Variants in CDH23 observed in about 807,000 individuals in gnomAD.
The protein encoded by CDH23 is cadherin-23.
In CDH23, 189 loss-of-function variants were observed where a neutral mutation model predicts 317.1. The observed-to-expected ratio is 0.60, with a 90% CI of 0.53 to 0.67. The LOEUF (loss-of-function observed/expected upper bound fraction) is 0.67. Ranked by LOEUF, CDH23 falls within the 30% of genes least tolerant of loss-of-function variation. The pLI, the probability that CDH23 is intolerant of heterozygous loss-of-function variation, is 0.00. For synonymous variants in CDH23, 1,839 were observed against 1,876.8 expected (o/e 0.98, Z 0.52); for missense variants, 4,401 against 4,592.4 (o/e 0.96, Z 1.20).
At position 71,676,912 on chromosome 10, in the gene CDH23, G is replaced by C. The variant is rs78562988; in HGVS notation, c.1515-544G>C. 2.7e-3 allele frequency among the ~76,000 whole-genome samples: 417 copies of C among 152,308 alleles called. 3 individuals carry two copies. The highest frequency in any genetic ancestry group is 9.5e-3 in the African/African-American group (395 of 41,570). On this transcript the variant is annotated intron_variant, in intron 15 of 69. Coordinates refer to ENST00000224721, the MANE Select transcript of CDH23 (RefSeq NM_022124.6). The stretch of plus-strand genomic sequence containing the variant: ...GATGTCAACTGACAGCTCAGATGAG[G>C]CTCCTGAGGGGACATTTAGATGAGG...
Position 71,813,019 on chromosome 10 carries a change from GC to G in CDH23, c.9633+130del, listed in dbSNP as rs1841994892. The G allele has an allele frequency of 9.7e-6, 14 of 1,437,122 alleles. 1 individual carries two copies. Among genetic ancestry groups the G allele is most frequent in the Non-Finnish European group, 1.3e-5 (14 of 1,060,382 alleles). 89.0% of individuals were successfully genotyped at this position (1,437,122 alleles called of 1,614,324 possible). A position where few individuals can be genotyped will look rare whatever the true frequency, so the allele number is the denominator to read the frequency against. The stretch of plus-strand genomic sequence containing the variant: ...CCTCCACTGGGGCGAGAACACCAGG[GC>G]TGATGGGGGGCTACTCCAGCCTGCG... On this transcript the variant is annotated intron_variant, in intron 68 of 69. Coordinates refer to ENST00000224721, the MANE Select transcript of CDH23 (RefSeq NM_022124.6).
chr10:71,398,331 A>G (rs907445705), intron 1 of CDH23, among the ~76,000 whole-genome samples: 57 of 152,244 alleles, frequency 3.7e-4, no homozygotes, highest in African/African-American at 1.3e-3. Flanking sequence ...TTGCCCTCTC[A>G]GACCAGAGCT....
Position 71,730,386 on chromosome 10 carries a change from C to G in CDH23, c.3580-83C>G, listed in dbSNP as rs956101576. 5.2e-6 allele frequency: 8 copies of G among 1,530,940 alleles called. No individual in the cohort carries two copies. In the Admixed American group the frequency reaches 1.2e-4, roughly 22 times the overall value. The allele number at this position is 1,530,940 out of a possible 1,614,324, so 94.8% of individuals were successfully genotyped here. On this transcript the variant is annotated intron_variant, in intron 30 of 69. Transcript: ENST00000224721. Reference sequence around the variant, plus strand: ...CAGGCCCAGGAAAGCAGTGACCACACAAGGCGGCCACAGTGGGCCAAGCCC... The same window carrying G: ...CAGGCCCAGGAAAGCAGTGACCACAGAAGGCGGCCACAGTGGGCCAAGCCC...
intron 14 of CDH23, among the ~76,000 whole-genome samples, chr10:71,653,264 T>C (rs1589299460): frequency 6.6e-6 from 1 of 152,254 alleles, no homozygotes; most frequent in East Asian, 1.9e-4. Flanking sequence ...AAGGAAAAGG[T>C]GGGTATGATG....
At chr10:71,502,611 G>C (rs1265523103) in intron 3 of CDH23, among the ~76,000 whole-genome samples, 2 of 152,208 alleles carry the variant, frequency 1.3e-5, no homozygotes, top group Non-Finnish European at 2.9e-5. Context: ...GCTTTCGGGT[G>C]ACAGCAGTCT....
intron 60 of CDH23, 33 bp from the exon 61 acceptor site, chr10:71,809,787 C>A: frequency 6.3e-7 from 1 of 1,599,904 alleles, no homozygotes; most frequent in Non-Finnish European, 8.5e-7. Context: ...CACTGAGTCT[C>A]TGAGCCGTAC....
chr10:71,456,095 C>G (rs567521678), intron 3 of CDH23, among the ~76,000 whole-genome samples: 20 of 151,470 alleles, frequency 1.3e-4, no homozygotes, highest in Non-Finnish European at 2.9e-4. Flanking sequence ...CCAGGTGCCT[C>G]GCAGCTGCTG....
intron 1 of CDH23, among the ~76,000 whole-genome samples, chr10:71,428,562 T>C (rs1275448777): frequency 1.3e-5 from 2 of 151,978 alleles, no homozygotes; most frequent in African/African-American, 2.4e-5. Flanking sequence ...CATTGTTTCA[T>C]GGGCTTATTG....
At chr10:71,813,212 C>T (rs1564809410) in intron 68 of CDH23, 32 bp from the exon 69 acceptor site, 1 of 1,542,168 alleles carries the variant, frequency 6.5e-7, no homozygotes, top group Non-Finnish European at 8.8e-7. Flanking sequence ...AGGGGAGGGC[C>T]TTGGTGGGGG....
intron 48 of CDH23, chr10:71,795,834 C>T: frequency 1.0e-6 from 1 of 987,622 alleles, no homozygotes; most frequent in Non-Finnish European, 1.2e-6. Context: ...CTGGCAGGCC[C>T]ACAGGTTTGA....
intron 6 of CDH23, among the ~76,000 whole-genome samples, chr10:71,551,453 C>G (rs74147317): frequency 0.04 from 6,101 of 152,216 alleles, 406 homozygotes; most frequent in African/African-American, 0.14. Context: ...ATTCTTCATT[C>G]CAGAAGGGGC....
intron 4 of CDH23, 39 bp downstream of exon 4, chr10:71,510,263 G>C: frequency 6.2e-7 from 1 of 1,601,066 alleles, no homozygotes; most frequent in South Asian, 1.1e-5. Flanking sequence ...TTCTCTCCTG[G>C]GGACAGGAGG....
At position 71,751,125 on chromosome 10, in the gene CDH23, G is replaced by T. The variant is rs1182393969; in HGVS notation, c.4845+9204G>T. 1.8e-6 allele frequency: 2 copies of T among 1,121,700 alleles called. No homozygotes were observed. The highest frequency in any genetic ancestry group is 1.6e-5 in the African/African-American group (1 of 63,154). The allele number at this position is 1,121,700 out of a possible 1,614,324, so 69.5% of individuals were successfully genotyped here. On this transcript the variant is annotated intron_variant, in intron 38 of 69. Coordinates refer to ENST00000224721, the MANE Select transcript of CDH23 (RefSeq NM_022124.6). The surrounding 1 kb of genome is among the most constrained non-coding windows in gnomAD (Gnocchi z 4.9). ...GGGGCTGGGCTTCTGGGATGTCACA[G>T]TATCTGAGCCCAGAGCAGGAGGGAG...
intron 6 of CDH23, among the ~76,000 whole-genome samples, chr10:71,552,697 G>A (rs1424920322): frequency 6.6e-6 from 1 of 152,154 alleles, no homozygotes; most frequent in Non-Finnish European, 1.5e-5. Context: ...GGAGTGATGT[G>A]GTTCTGCCCC....
At chr10:71,727,678 C>G (rs1866879248) in intron 30 of CDH23, among the ~76,000 whole-genome samples, 2 of 152,170 alleles carry the variant, frequency 1.3e-5, no homozygotes, top group South Asian at 4.1e-4. Context: ...CACACACACG[C>G]ACATATGCCC....
chr10:71,465,838 A>C (rs1321436360), intron 3 of CDH23, among the ~76,000 whole-genome samples: 3 of 152,072 alleles, frequency 2.0e-5, no homozygotes, highest in African/African-American at 7.3e-5. Flanking sequence ...TTGGAAAAAT[A>C]GTCATAAATT....
intron 6 of CDH23, among the ~76,000 whole-genome samples, chr10:71,522,770 T>C (rs1451594449): frequency 6.6e-6 from 1 of 151,872 alleles, no homozygotes; most frequent in Non-Finnish European, 1.5e-5. Context: ...AGAGGAATCA[T>C]AGGGAGGTGA....
chr10:71,401,624 T>C (rs930960825), intron 1 of CDH23, among the ~76,000 whole-genome samples: 15 of 151,830 alleles, frequency 9.9e-5, no homozygotes, highest in African/African-American at 3.4e-4. Flanking sequence ...CCTAGAGAGG[T>C]GAGGATGCAG....
Position 71,805,869 on chromosome 10 carries a change from G to A in CDH23, c.7936G>A (p.Gly2646Arg), listed in dbSNP as rs747025744. 1 of 1,613,838 alleles carries A rather than the reference G, an allele frequency of 6.2e-7. No individual in the cohort carries two copies. The highest frequency in any genetic ancestry group is 8.5e-7 in the Non-Finnish European group (1 of 1,179,844). ...YATDKDEGLN[G>R]AVRYSFLKTA... ...CACGGACAAGGATGAGGGCCTCAAC[G>A]GGGCGGTGCGCTACAGCTTCCTGAA... The change falls in exon 56 of 70, where the codon GGG becomes AGG. Residue 2646 changes from glycine to arginine, a missense_variant. By Grantham distance (125) the Gly-to-Arg change is moderately radical. Transcript: ENST00000224721.
Sources: allele counts gnomAD v4.1 joint callset (sites outside exome capture counted in the v4.1 genomes callset), GRCh38; gene constraint gnomAD v4.1.1; non-coding constraint Gnocchi (gnomAD v3.1); transcripts MANE v1.5; gene names NCBI Gene and HGNC (gene_info 2026-07-23, HGNC 2026-07-21).